Variants in ISM1 observed in about 807,000 individuals in gnomAD.
The protein encoded by ISM1 is isthmin-1.
Under a neutral mutation model 46.3 loss-of-function variants are expected in ISM1, and 25 were observed. That is an observed-to-expected ratio of 0.54 (90% CI 0.39 to 0.75). The LOEUF (loss-of-function observed/expected upper bound fraction) is 0.75, where lower values mean the gene tolerates loss of function less well. Ranked by LOEUF, ISM1 falls within the 30% of genes least tolerant of loss-of-function variation. The probability of loss-of-function intolerance (pLI) is 0.00; values close to 1 mark genes in which losing one functional copy is unlikely to be tolerated. For synonymous variants in ISM1, 255 were observed against 256.7 expected (o/e 0.99, Z 0.06); for missense variants, 536 against 625.4 (o/e 0.86, Z 1.52).
chr20:13,241,373 G>A (rs772580075), intron 1 of ISM1, among the ~76,000 whole-genome samples: 2 of 152,210 alleles, frequency 1.3e-5, no homozygotes, highest in Admixed American at 6.5e-5. Flanking sequence ...AGATACCAGG[G>A]CATCTGTGAG....
At chr20:13,311,216 T>TA in the ISM1 span, among the ~76,000 whole-genome samples, 2 of 133,206 alleles carry the variant, frequency 1.5e-5, no homozygotes, top group Admixed American at 7.6e-5. Context: ...TATAGATAGA[T>TA]GATAGATAGA....
intron 1 of ISM1, among the ~76,000 whole-genome samples, chr20:13,261,231 T>C (rs950912180): frequency 2.0e-5 from 3 of 151,866 alleles, no homozygotes; most frequent in Admixed American, 1.3e-4. Context: ...CTGGCCAACA[T>C]AGTAAAACCC....
intron 4 of ISM1, among the ~76,000 whole-genome samples, chr20:13,291,305 C>T (rs1038510961): frequency 7.9e-5 from 12 of 152,112 alleles, no homozygotes; most frequent in African/African-American, 2.4e-4. Context: ...TGAAGGATTT[C>T]GTTTTTAAGG....
At chr20:13,227,009 A>G (rs148215020) in intron 1 of ISM1, among the ~76,000 whole-genome samples, 2 of 152,314 alleles carry the variant, frequency 1.3e-5, no homozygotes, top group Non-Finnish European at 2.9e-5. Context: ...GCAAGGACAT[A>G]AAGTGTCCTT....
Position 13,299,411 on chromosome 20 carries a change from C to CAACA in ISM1, c.1347_1348insAACA (p.Ser450AsnfsTer22). On this transcript the variant is annotated frameshift_variant, in exon 6 of 6. Transcript: ENST00000262487. LOFTEE classifies it high-confidence loss of function. This position sits in a 1 kb window ranked among gnomAD's most constrained non-coding sequence, Gnocchi z 5.8. ...ACGGACAGAAGTGCACAGAGAGCCCCTCGGACGAGGACTACATCAAGCAGT... is the reference window on the plus strand; with the variant it reads ...ACGGACAGAAGTGCACAGAGAGCCCCAACATCGGACGAGGACTACATCAAGCAGT... 2 of 1,611,434 alleles carry CAACA rather than the reference C, an allele frequency of 1.2e-6. No individual in the cohort carries two copies. The highest frequency in any genetic ancestry group is 8.5e-7 in the Non-Finnish European group (1 of 1,179,796).
At chr20:13,222,915 C>A (rs1327596460) in intron 1 of ISM1, among the ~76,000 whole-genome samples, 1 of 152,164 alleles carries the variant, frequency 6.6e-6, no homozygotes, top group African/African-American at 2.4e-5. Flanking sequence ...GTGATCCCAG[C>A]ACTTTAGCAG....
the ISM1 span, among the ~76,000 whole-genome samples, chr20:13,314,774 T>C: frequency 6.6e-6 from 1 of 152,128 alleles, no homozygotes; most frequent in Non-Finnish European, 1.5e-5. Flanking sequence ...TAACAGTGTG[T>C]TCAAAATAAT....
chr20:13,323,647 C>T, the ISM1 span, among the ~76,000 whole-genome samples: 1 of 152,128 alleles, frequency 6.6e-6, no homozygotes, highest in East Asian at 1.9e-4. Context: ...ATTTGATAAC[C>T]TGCATTTATT....
chr20:13,248,420 G>C (rs1219520849), intron 1 of ISM1, among the ~76,000 whole-genome samples: 2 of 152,190 alleles, frequency 1.3e-5, no homozygotes, highest in Non-Finnish European at 2.9e-5. Context: ...CTCCACTCCA[G>C]AGGAAGCTAT....
At chr20:13,269,081 G>A (rs2040081078) in intron 1 of ISM1, among the ~76,000 whole-genome samples, 2 of 152,174 alleles carry the variant, frequency 1.3e-5, no homozygotes, top group South Asian at 4.1e-4. Context: ...CTGGGTCAGA[G>A]GCACTGTGGT....
intron 1 of ISM1, among the ~76,000 whole-genome samples, chr20:13,267,156 T>G (rs980122350): frequency 6.6e-6 from 1 of 152,188 alleles, no homozygotes; most frequent in Non-Finnish European, 1.5e-5. Flanking sequence ...TCTTAACAGC[T>G]TGGGGGCATG....
intron 1 of ISM1, among the ~76,000 whole-genome samples, chr20:13,251,672 C>T (rs1258675943): frequency 6.6e-6 from 1 of 152,186 alleles, no homozygotes; most frequent in African/African-American, 2.4e-5. Context: ...AGAGAGCAAG[C>T]AAGAGTTGCA....
chr20:13,265,264 C>T (rs558332863), intron 1 of ISM1, among the ~76,000 whole-genome samples: 51 of 152,246 alleles, frequency 3.3e-4, no homozygotes, highest in Non-Finnish European at 5.7e-4. Context: ...CGTTTACAAG[C>T]CTTTTTTATT....
At chr20:13,264,084 A>G (rs1193621367) in intron 1 of ISM1, among the ~76,000 whole-genome samples, 1 of 152,214 alleles carries the variant, frequency 6.6e-6, no homozygotes, top group Non-Finnish European at 1.5e-5. Flanking sequence ...AACTTTAGCC[A>G]TCATTATCAT....
intron 3 of ISM1, among the ~76,000 whole-genome samples, chr20:13,286,126 T>A (rs1213593898): frequency 1.3e-5 from 2 of 151,970 alleles, no homozygotes; most frequent in Non-Finnish European, 2.9e-5. Context: ...ACTTTTGACC[T>A]TTTTTTAGCT....
At chr20:13,289,310 G>A (rs1600558592) in intron 4 of ISM1, among the ~76,000 whole-genome samples, 1 of 152,320 alleles carries the variant, frequency 6.6e-6, no homozygotes, top group East Asian at 1.9e-4. Flanking sequence ...TGATGAGGAA[G>A]CCAGGATGAG....
the ISM1 span, among the ~76,000 whole-genome samples, chr20:13,311,352 C>G: frequency 6.6e-6 from 1 of 152,100 alleles, no homozygotes; most frequent in Non-Finnish European, 1.5e-5. Flanking sequence ...TAAATTGCTA[C>G]AGCCATTATG....
chr20:13,296,445 G>A (rs1013899541), intron 5 of ISM1, among the ~76,000 whole-genome samples: 2 of 152,220 alleles, frequency 1.3e-5, no homozygotes, highest in Non-Finnish European at 2.9e-5. Context: ...GGCAAGGGAT[G>A]TTATCTCCCT....
At chr20:13,221,989 G>C (rs1294974431) in intron 1 of ISM1, 75 bp downstream of exon 1, 2 of 1,237,462 alleles carry the variant, frequency 1.6e-6, no homozygotes, top group Non-Finnish European at 2.0e-6. Flanking sequence ...AGCTAGTGCC[G>C]GGTGGATGCA....
Sources: gnomAD v4.1 joint callset for allele counts (sites outside exome capture counted in the v4.1 genomes callset) on GRCh38, gnomAD v4.1.1 for gene constraint, Gnocchi (gnomAD v3.1) non-coding constraint, MANE v1.5 for transcripts, NCBI Gene and HGNC (gene_info 2026-07-23, HGNC 2026-07-21) for gene names.